The following MTRR variants were observed in gnomAD, a reference collection of about 807,000 sequenced individuals.
MTRR encodes the protein methionine synthase reductase.
MTRR carries 63 observed loss-of-function variants against 79.2 expected under a neutral mutation model. The ratio of observed to expected loss-of-function variants is 0.80; its 90% CI spans 0.65 to 0.98. The LOEUF (loss-of-function observed/expected upper bound fraction) is 0.98. Among genes scored for constraint, MTRR ranks in the 50% least tolerant of loss-of-function variants. MTRR has a pLI of 0.00. For missense variants in MTRR, 895 were observed against 839.6 expected, an observed-to-expected ratio of 1.07 and a Z score of -0.82; for synonymous variants, 355 against 313.3, an observed-to-expected ratio of 1.13 and a Z score of -1.41.
At chr5:7,880,624 C>A (rs916525074) in intron 5 of MTRR, among the ~76,000 whole-genome samples, 1 of 152,142 alleles carries the variant, frequency 6.6e-6, no homozygotes, top group Non-Finnish European at 1.5e-5. Flanking sequence ...TCTCAGGATG[C>A]TATTTTGTTT....
intron 1 of MTRR, chr5:7,856,763 T>A (rs551391507): frequency 9.2e-5 from 13 of 140,618 alleles, no homozygotes; most frequent in African/African-American, 1.6e-4. Context: ...TTTTTTTTTT[T>A]AATTTTATTT....
At chr5:7,869,134 A>T, upstream of MTRR, 2 of 1,613,482 alleles carry the variant, frequency 1.2e-6, no homozygotes, top group Non-Finnish European at 1.7e-6. Context: ...GGTACCGAGC[A>T]TGGGCGCTGC....
At chr5:7,890,138 G>A (rs1737302296) in intron 9 of MTRR, 2 of 459,114 alleles carry the variant, frequency 4.4e-6, no homozygotes, top group Admixed American at 6.4e-5. Flanking sequence ...TTTTTCTTTG[G>A]TGACACCAAA....
exon 1 of MTRR, chr5:7,851,253 T>A: frequency 2.4e-6 from 1 of 415,668 alleles, no homozygotes; most frequent in Non-Finnish European, 4.1e-6. Context: ...ACACCTGGGG[T>A]CTCTCCTTCC....
At chr5:7,870,257 G>A (rs1747708367) in intron 1 of MTRR, 1 of 200,422 alleles carries the variant, frequency 5.0e-6, no homozygotes, top group Non-Finnish European at 9.8e-6. Context: ...AGTTTGTTTA[G>A]CGTTAGGATC....
intron 9 of MTRR, among the ~76,000 whole-genome samples, chr5:7,890,869 C>CT (rs1327264828): frequency 1.3e-5 from 2 of 152,128 alleles, no homozygotes; most frequent in African/African-American, 4.8e-5. Flanking sequence ...AAACCAAACA[C>CT]TTTAATTATT....
rs1477317509 is a variant in MTRR at position 7,900,928 on chromosome 5, T to C, written c.*870T>C. The C allele has an allele frequency of 6.6e-6, 1 of 152,206 alleles. No homozygotes were observed. The highest frequency in any genetic ancestry group is 2.4e-5 in the African/African-American group (1 of 41,450). 9.4% of individuals were successfully genotyped at this position (152,206 alleles called of 1,614,324 possible). ...AAAATACTGACTTTAGTTAGTATCC[T>C]TGGATTTTTAGATTCCCAGTGTCTA... is the stretch of plus-strand genomic sequence containing the variant. On this transcript the variant is annotated 3_prime_UTR_variant, in exon 15 of 15. Transcript: ENST00000440940.
At chr5:7,868,621 C>T (rs1747249460), upstream of MTRR, among the ~76,000 whole-genome samples, 2 of 152,154 alleles carry the variant, frequency 1.3e-5, no homozygotes, top group Non-Finnish European at 2.9e-5. Flanking sequence ...TTGGTTTCCC[C>T]TCGGTGTCGG....
intron 3 of MTRR, among the ~76,000 whole-genome samples, chr5:7,874,900 C>T (rs1165974349): frequency 1.3e-5 from 2 of 152,180 alleles, no homozygotes; most frequent in South Asian, 2.1e-4. Flanking sequence ...GACCCCTGCT[C>T]AGTATCAGAA....
chr5:7,869,984 T>C (rs2126637424), intron 1 of MTRR: 1 of 983,660 alleles, frequency 1.0e-6, no homozygotes. Flanking sequence ...TGGTTTGGGT[T>C]TCAGTTTAAA....
intron 5 of MTRR, among the ~76,000 whole-genome samples, chr5:7,880,188 C>T (rs1372978194): frequency 6.6e-6 from 1 of 152,226 alleles, no homozygotes; most frequent in Non-Finnish European, 1.5e-5. Context: ...CCTCGTTGCT[C>T]ATTCAGTCTG....
At chr5:7,882,958 A>G (rs1735808055) in intron 5 of MTRR, among the ~76,000 whole-genome samples, 197 bp from the exon 6 acceptor site, 1 of 152,224 alleles carries the variant, frequency 6.6e-6, no homozygotes, top group Non-Finnish European at 1.5e-5. Flanking sequence ...TGTCTAATAG[A>G]TAAAGCGTTT....
chr5:7,879,960 G>C (rs1259091931), intron 5 of MTRR, among the ~76,000 whole-genome samples: 1 of 152,192 alleles, frequency 6.6e-6, no homozygotes, highest in Non-Finnish European at 1.5e-5. Flanking sequence ...AGTCCTCCCA[G>C]GTATGGAATG....
intron 1 of MTRR, 143 bp from the exon 2 acceptor site, chr5:7,870,627 G>C: frequency 1.2e-6 from 1 of 826,084 alleles, no homozygotes; most frequent in South Asian, 1.5e-5. Context: ...TTTGAGATTA[G>C]TGCTGAAAAC....
chr5:7,898,755 G>T (rs944706467), intron 14 of MTRR, among the ~76,000 whole-genome samples: 2 of 152,118 alleles, frequency 1.3e-5, no homozygotes, highest in African/African-American at 4.8e-5. Context: ...ACTGTGAGGG[G>T]CCAGGACATG....
chr5:7,884,312 G>C lies in MTRR; in HGVS notation c.903+1035G>C, dbSNP rs897121599. Among the ~76,000 whole-genome samples the C allele has an allele frequency of 7.2e-5, 11 of 152,290 alleles. No individual in the cohort carries two copies. In the South Asian group the frequency reaches 2.3e-3, roughly 32 times the overall value. On this transcript the variant is annotated intron_variant, in intron 6 of 14. Coordinates refer to ENST00000440940, the MANE Select transcript of MTRR (RefSeq NM_002454.3). The stretch of plus-strand genomic sequence containing the variant: ...ACACTTGTCCCTTAGTATCTTCGAA[G>C]GATTTGTCCCAGGACCCCTTTCAGA...
At chr5:7,878,822 A>G (rs1735024441) in intron 5 of MTRR, among the ~76,000 whole-genome samples, 1 of 152,208 alleles carries the variant, frequency 6.6e-6, no homozygotes, top group Non-Finnish European at 1.5e-5. Context: ...AAGTTTTTCT[A>G]ACCTGCTTAA....
At chr5:7,888,358 C>A (rs913240027) in intron 8 of MTRR, among the ~76,000 whole-genome samples, 1 of 152,140 alleles carries the variant, frequency 6.6e-6, no homozygotes, top group Non-Finnish European at 1.5e-5. Context: ...AAAATTGTCA[C>A]TGTTTTAGCT....
Position 7,900,998 on chromosome 5 carries a change from A to C in MTRR, c.*940A>C, listed in dbSNP as rs967898398. Reference sequence around the variant, plus strand: ...ACAAACAAAACAAAATGTTATGATAATCTTTCTCCACTGTTCTAATATATA... The same window carrying C: ...ACAAACAAAACAAAATGTTATGATACTCTTTCTCCACTGTTCTAATATATA... On this transcript the variant is annotated 3_prime_UTR_variant, in exon 15 of 15. Coordinates refer to ENST00000440940, the MANE Select transcript of MTRR (RefSeq NM_002454.3). The C allele has an allele frequency of 1.3e-5, 2 of 152,118 alleles. No individual in the cohort carries two copies. The highest frequency in any genetic ancestry group is 4.8e-5 in the African/African-American group (2 of 41,432). The allele number at this position is 152,118 out of a possible 1,614,324, so 9.4% of individuals were successfully genotyped here.
Sources: gnomAD v4.1 joint callset for allele counts (sites outside exome capture counted in the v4.1 genomes callset) on GRCh38, gnomAD v4.1.1 for gene constraint, MANE v1.5 for transcripts, NCBI Gene and HGNC (gene_info 2026-07-23, HGNC 2026-07-21) for gene names.